LRIG1: variants seen among roughly 807,000 people sequenced by gnomAD.
LRIG1 encodes leucine rich repeats and immunoglobulin like domains 1, also known as leucine-rich repeats and immunoglobulin-like domains protein 1.
Under a neutral mutation model 99.2 loss-of-function variants are expected in LRIG1, and 48 were observed. That is an observed-to-expected ratio of 0.48 (90% CI 0.38 to 0.62). LRIG1 has a LOEUF of 0.62. LRIG1 is among the 20% of genes least tolerant of loss of function. The pLI, the probability that LRIG1 is intolerant of heterozygous loss-of-function variation, is 0.00. For synonymous variants in LRIG1, 772 were observed against 596.1 expected, an observed-to-expected ratio of 1.29 and a Z score of -4.30; for missense variants, 1,646 against 1,434.4, an observed-to-expected ratio of 1.15 and a Z score of -2.38.
chr3:66,420,780 C>T (rs138042535), intron 3 of LRIG1, among the ~76,000 whole-genome samples: 101 of 152,228 alleles, frequency 6.6e-4, no homozygotes, highest in Admixed American at 1.3e-3. Flanking sequence ...GTCCAGGGAC[C>T]GGGGAGACCG....
intron 3 of LRIG1, among the ~76,000 whole-genome samples, chr3:66,427,107 C>T (rs1268748256): frequency 6.6e-6 from 1 of 152,204 alleles, no homozygotes; most frequent in East Asian, 1.9e-4. Context: ...CCCCCATTAC[C>T]CCAACAAAGT....
intron 1 of LRIG1, among the ~76,000 whole-genome samples, chr3:66,496,095 C>T (rs1701220755): frequency 6.6e-6 from 1 of 152,206 alleles, no homozygotes; most frequent in African/African-American, 2.4e-5. Context: ...CTTCATCTTT[C>T]TGAAGATGGT....
intron 12 of LRIG1, among the ~76,000 whole-genome samples, chr3:66,391,261 C>G (rs1701604806): frequency 6.6e-6 from 1 of 152,130 alleles, no homozygotes; most frequent in Non-Finnish European, 1.5e-5. Flanking sequence ...GGCAGTCCCT[C>G]AAAAAAGCTG....
chr3:66,416,046 T>A (rs1359861338), intron 4 of LRIG1, among the ~76,000 whole-genome samples: 1 of 152,182 alleles, frequency 6.6e-6, no homozygotes, highest in Non-Finnish European at 1.5e-5. Context: ...TCTCAACACC[T>A]CAGATTAAAG....
At position 66,386,144 on chromosome 3, in the gene LRIG1, C is replaced by T; in HGVS notation, c.1626G>A (p.Met542Ile). ...KDNEVLTNADMENFVHVHAQD... is the reference protein window; with the variant it reads ...KDNEVLTNADIENFVHVHAQD... ...GCGCGTGGACGTGGACAAAGTTCTC[C>T]ATGTCTGCATTGGTCAGGACTTCAT... Residue 542 changes from methionine to isoleucine, a missense_variant, in exon 13 of 19, where the codon ATG becomes ATA. Physicochemically the swap from Met to Ile is conservative, Grantham distance 10. Coordinates refer to ENST00000273261, the MANE Select transcript of LRIG1 (RefSeq NM_015541.3). 2 of 1,614,126 alleles carry T rather than the reference C, an allele frequency of 1.2e-6. No homozygotes were observed. The highest frequency in any genetic ancestry group is 2.2e-5 in the South Asian group (2 of 91,080).
intron 9 of LRIG1, chr3:66,404,554 C>T (rs756361368): frequency 1.0e-5 from 5 of 494,046 alleles, no homozygotes; most frequent in African/African-American, 4.1e-5. Context: ...CACTTGCCAG[C>T]CGTGTAGTTT....
Position 66,420,501 on chromosome 3 carries a change from T to C in LRIG1, c.366-3235A>G, listed in dbSNP as rs994693966. ...ACTGAAAGCAGACCTCAAAGAGACA[T>C]GTGTATCCTCACATTCATAGAAGCA... On this transcript the variant is annotated intron_variant, in intron 3 of 18. Transcript: ENST00000273261. Among the ~76,000 whole-genome samples the C allele has an allele frequency of 3.3e-5, 5 of 152,232 alleles. No individual in the cohort carries two copies. In the East Asian group the frequency reaches 9.6e-4, roughly 29 times the overall value.
chr3:66,384,366 G>A (rs1030805547), intron 13 of LRIG1, 94 bp from the exon 14 acceptor site: 1 of 1,334,522 alleles, frequency 7.5e-7, no homozygotes, highest in Non-Finnish European at 1.1e-6. Flanking sequence ...ACTGTGCCCA[G>A]TGCCAGTTCA....
chr3:66,431,587 C>G (rs1481698207), intron 3 of LRIG1, among the ~76,000 whole-genome samples: 1 of 152,200 alleles, frequency 6.6e-6, no homozygotes, highest in Non-Finnish European at 1.5e-5. Context: ...CCAAGTTCCA[C>G]AGGGACTGGT....
intron 7 of LRIG1, among the ~76,000 whole-genome samples, chr3:66,409,359 C>A (rs1702392053): frequency 6.6e-6 from 1 of 152,174 alleles, no homozygotes; most frequent in Non-Finnish European, 1.5e-5. Context: ...TGTCCAGTAA[C>A]CCCACCCTGA....
At chr3:66,406,637 G>A (rs962748098) in intron 8 of LRIG1, among the ~76,000 whole-genome samples, 1 of 152,166 alleles carries the variant, frequency 6.6e-6, no homozygotes, top group Non-Finnish European at 1.5e-5. Flanking sequence ...CCCCTCTCTG[G>A]GGGTTTTATG....
chr3:66,491,076 G>C (rs1478353331), intron 1 of LRIG1, among the ~76,000 whole-genome samples: 2 of 152,168 alleles, frequency 1.3e-5, no homozygotes, highest in Non-Finnish European at 2.9e-5. Context: ...TTTAAATCAA[G>C]CACAGAGGGT....
At chr3:66,491,888 A>C (rs1701108860) in intron 1 of LRIG1, among the ~76,000 whole-genome samples, 1 of 152,178 alleles carries the variant, frequency 6.6e-6, no homozygotes, top group South Asian at 2.1e-4. Flanking sequence ...CCATATTCAA[A>C]AGGTAAGAAA....
chr3:66,417,655 G>C (rs181184293), intron 3 of LRIG1: 40 of 181,558 alleles, frequency 2.2e-4, no homozygotes, highest in Non-Finnish European at 4.3e-4. Context: ...CTCAGACCTA[G>C]TCCAGCCTCA....
intron 1 of LRIG1, among the ~76,000 whole-genome samples, chr3:66,464,942 T>G (rs1388856480): frequency 6.6e-6 from 1 of 152,196 alleles, no homozygotes; most frequent in Non-Finnish European, 1.5e-5. Flanking sequence ...CCTAGCAGTA[T>G]CAGGACTTAA....
intron 9 of LRIG1, chr3:66,404,282 T>A (rs1294991912): frequency 7.8e-7 from 1 of 1,289,336 alleles, no homozygotes; most frequent in Non-Finnish European, 1.0e-6. Flanking sequence ...TTCCAAATAT[T>A]TACTTGACAC....
chr3:66,498,177 G>A (rs1559830139), intron 1 of LRIG1: 1 of 152,042 alleles, frequency 6.6e-6, no homozygotes, highest in Non-Finnish European at 1.5e-5. Flanking sequence ...TCTTAAAATC[G>A]AATCAGTCAA....
At chr3:66,479,180 T>A (rs1700791634) in intron 1 of LRIG1, among the ~76,000 whole-genome samples, 1 of 152,212 alleles carries the variant, frequency 6.6e-6, no homozygotes, top group African/African-American at 2.4e-5. Context: ...AATTTATAGC[T>A]GCAAAGCTCC....
chr3:66,499,916 C>T (rs1178484071), intron 1 of LRIG1, among the ~76,000 whole-genome samples: 1 of 148,760 alleles, frequency 6.7e-6, no homozygotes, highest in Non-Finnish European at 1.5e-5. Flanking sequence ...TGCTGGCTAA[C>T]CCCCAAATCT....
Sources: allele counts gnomAD v4.1 joint callset (sites outside exome capture counted in the v4.1 genomes callset), GRCh38; gene constraint gnomAD v4.1.1; transcripts MANE v1.5; gene names NCBI Gene and HGNC (gene_info 2026-07-23, HGNC 2026-07-21).